KLHL1: variants seen among roughly 807,000 people sequenced by gnomAD.
The protein encoded by KLHL1 is kelch like family member 1, also known as kelch-like protein 1.
KLHL1 carries 47 observed loss-of-function variants against 77.7 expected under a neutral mutation model. The ratio of observed to expected loss-of-function variants is 0.60; its 90% CI spans 0.48 to 0.77. The LOEUF is 0.77. KLHL1 is among the 30% of genes least tolerant of loss of function. The pLI is 0.00. For synonymous variants in KLHL1, 360 were observed against 325.2 expected (o/e 1.11, Z -1.15); for missense variants, 925 against 910.8 (o/e 1.02, Z -0.20).
At chr13:69,751,829 A>G (rs1039620947) in intron 7 of KLHL1, among the ~76,000 whole-genome samples, 2 of 152,108 alleles carry the variant, frequency 1.3e-5, no homozygotes, top group Admixed American at 6.6e-5. Context: ...AATGTACGTG[A>G]GAGGTGATAG....
chr13:69,728,864 C>T (rs1873418155), intron 8 of KLHL1, among the ~76,000 whole-genome samples: 1 of 151,696 alleles, frequency 6.6e-6, no homozygotes, highest in African/African-American at 2.4e-5. Context: ...ATCCATTTTC[C>T]CATAGTAAAT....
At chr13:70,003,442 C>T (rs1382477437) in intron 1 of KLHL1, among the ~76,000 whole-genome samples, 6 of 151,584 alleles carry the variant, frequency 4.0e-5, no homozygotes, top group Admixed American at 3.3e-4. Context: ...ATATTTTAAG[C>T]TGAATCAAAT....
At chr13:70,041,156 G>A (rs960054696) in intron 1 of KLHL1, among the ~76,000 whole-genome samples, 2 of 152,016 alleles carry the variant, frequency 1.3e-5, no homozygotes, top group Non-Finnish European at 2.9e-5. Context: ...TAGTAGACAT[G>A]TTTATCATGC....
intron 9 of KLHL1, among the ~76,000 whole-genome samples, chr13:69,713,918 C>A (rs1354957197): frequency 1.3e-5 from 2 of 152,044 alleles, no homozygotes; most frequent in African/African-American, 4.8e-5. Flanking sequence ...AACCCCAAGA[C>A]AGAGGAGAAA....
At chr13:70,057,642 G>A (rs1271915506) in intron 1 of KLHL1, among the ~76,000 whole-genome samples, 1 of 150,184 alleles carries the variant, frequency 6.7e-6, no homozygotes, top group East Asian at 2.0e-4. Context: ...CGGGTGCGGT[G>A]GCGGGCGCCT....
intron 7 of KLHL1, among the ~76,000 whole-genome samples, chr13:69,771,409 TCTC>T (rs1171443114): frequency 1.3e-5 from 2 of 152,188 alleles, no homozygotes; most frequent in African/African-American, 4.8e-5. Flanking sequence ...AGCTACTTTA[TCTC>T]CTCATTTTAA....
intron 4 of KLHL1, among the ~76,000 whole-genome samples, chr13:69,897,064 G>T (rs2138219549): frequency 6.6e-6 from 1 of 151,918 alleles, no homozygotes; most frequent in African/African-American, 2.4e-5. Context: ...TAATATTAGT[G>T]GTATTATCTA....
chr13:69,867,724 G>A (rs1256120527), intron 5 of KLHL1, among the ~76,000 whole-genome samples: 1 of 151,120 alleles, frequency 6.6e-6, no homozygotes, highest in Non-Finnish European at 1.5e-5. Flanking sequence ...TATCACAATA[G>A]TACCTTTATT....
intron 1 of KLHL1, among the ~76,000 whole-genome samples, chr13:70,058,834 G>A (rs1352042913): frequency 6.6e-6 from 1 of 152,040 alleles, no homozygotes; most frequent in Non-Finnish European, 1.5e-5. Context: ...TAGTAACCAA[G>A]ACAATATAGT....
At chr13:70,033,128 A>C (rs533159338) in intron 1 of KLHL1, among the ~76,000 whole-genome samples, 1 of 152,292 alleles carries the variant, frequency 6.6e-6, no homozygotes, top group South Asian at 2.1e-4. Flanking sequence ...GTTTATTTCC[A>C]ATTTTGGTAA....
At chr13:69,932,121 T>C (rs1883021632) in intron 4 of KLHL1, among the ~76,000 whole-genome samples, 2 of 151,790 alleles carry the variant, frequency 1.3e-5, no homozygotes, top group African/African-American at 4.8e-5. Context: ...GTGCCTAAAA[T>C]GAGACAGGTG....
intron 6 of KLHL1, among the ~76,000 whole-genome samples, chr13:69,834,347 A>T (rs1878896003): frequency 6.6e-6 from 1 of 151,768 alleles, no homozygotes; most frequent in African/African-American, 2.4e-5. Context: ...TCTATTACTT[A>T]AAAAAAATCA....
At chr13:70,012,122 C>T (rs1195912048) in intron 1 of KLHL1, among the ~76,000 whole-genome samples, 1 of 152,116 alleles carries the variant, frequency 6.6e-6, no homozygotes, top group Non-Finnish European at 1.5e-5. Flanking sequence ...GTCCCTCCCA[C>T]AACACGTAGA....
chr13:69,788,875 AT>A (rs1213924324), intron 7 of KLHL1, among the ~76,000 whole-genome samples: 1 of 152,064 alleles, frequency 6.6e-6, no homozygotes, highest in African/African-American at 2.4e-5. Context: ...CCTTTTTCTG[AT>A]TTATTAGTTA....
At chr13:69,836,714 C>T (rs908450968) in intron 6 of KLHL1, among the ~76,000 whole-genome samples, 2 of 151,964 alleles carry the variant, frequency 1.3e-5, no homozygotes, top group Admixed American at 1.3e-4. Flanking sequence ...TTCCTTCAAA[C>T]ATTGCCAGGT....
intron 2 of KLHL1, among the ~76,000 whole-genome samples, chr13:69,974,449 T>G (rs936749612): frequency 6.6e-6 from 1 of 151,534 alleles, no homozygotes; most frequent in South Asian, 2.1e-4. Context: ...AAGAAAACAA[T>G]GTAGAATATT....
intron 4 of KLHL1, among the ~76,000 whole-genome samples, chr13:69,934,962 G>GTGTATATATATATA (rs372646811): frequency 7.7e-6 from 1 of 129,800 alleles, no homozygotes; most frequent in South Asian, 2.5e-4. Flanking sequence ...GTGTGCATGT[G>GTGTATATATATATA]TATATATATA....
chr13:69,839,204 A>G (rs1879146325), intron 5 of KLHL1, 42 bp from the exon 6 acceptor site: 3 of 1,327,340 alleles, frequency 2.3e-6, no homozygotes, highest in Non-Finnish European at 3.1e-6. Context: ...GTTTTCAAAG[A>G]GATGAACATT....
At chr13:70,042,682 A>G (rs1009867108) in intron 1 of KLHL1, among the ~76,000 whole-genome samples, 1 of 152,198 alleles carries the variant, frequency 6.6e-6, no homozygotes, top group Non-Finnish European at 1.5e-5. Context: ...TGATGTATTT[A>G]CAATATTATA....
Sources: gnomAD v4.1 joint callset for allele counts (sites outside exome capture counted in the v4.1 genomes callset) on GRCh38, gnomAD v4.1.1 for gene constraint, MANE v1.5 for transcripts, NCBI Gene and HGNC (gene_info 2026-07-23, HGNC 2026-07-21) for gene names.